Variants in RPL17 observed in about 807,000 individuals in gnomAD.
RPL17 encodes ribosomal protein L17.
Under a neutral mutation model 27.7 loss-of-function variants are expected in RPL17, and 2 were observed. The observed-to-expected ratio is 0.07, with a 90% CI of 0.03 to 0.23. The LOEUF is 0.23. Ranked by LOEUF, RPL17 falls within the 10% of genes least tolerant of loss-of-function variation. The probability of loss-of-function intolerance (pLI) is 1.00; values close to 1 mark genes in which losing one functional copy is unlikely to be tolerated. For synonymous variants in RPL17, 76 were observed against 75.5 expected (o/e 1.01, Z -0.03); for missense variants, 141 against 238.8 (o/e 0.59, Z 2.70).
intron 6 of RPL17, chr18:49,489,122 C>CG (rs2083874162): frequency 4.9e-6 from 2 of 412,278 alleles, no homozygotes; most frequent in Admixed American, 7.3e-5. Context: ...AGGATGGTCT[C>CG]GATCTCCTGA....
intron 1 of RPL17, 196 bp from the exon 2 acceptor site, chr18:49,491,780 T>A: frequency 1.3e-6 from 1 of 786,424 alleles, no homozygotes; most frequent in Non-Finnish European, 2.3e-6. Context: ...TTCCAGTAAC[T>A]ACAGCACTGC....
Position 49,490,585 on chromosome 18 carries a change from C to T in RPL17, c.217-33G>A, listed in dbSNP as rs767084239. On this transcript the variant is annotated intron_variant, in intron 4 of 6. Transcript: ENST00000580261. The stretch of plus-strand genomic sequence containing the variant: ...AAAATGGAGATGATGAGTCATTTTC[C>T]TTGATTTAAATTAACATTACAGCCA... 5 of 1,612,402 alleles carry T rather than the reference C, an allele frequency of 3.1e-6. No individual in the cohort carries two copies. In the African/African-American group the frequency reaches 6.7e-5, roughly 22 times the overall value.
Position 49,489,545 on chromosome 18 carries a change from T to A in RPL17, c.321A>T (p.Leu107Phe). 6.2e-7 allele frequency: 1 copy of A among 1,600,012 alleles called. No individual in the cohort carries two copies. The highest frequency in any genetic ancestry group is 8.5e-7 in the Non-Finnish European group (1 of 1,179,704). ...GCTCAATGACCAGAGAATCTACATC[T>A]AAACCCTGGGGAAGAAAGGAAGGAG... Reference protein sequence around the residue: ...NAESNAELKGLDVDSLVIEHI... With the variant: ...NAESNAELKGFDVDSLVIEHI... Residue 107 changes from leucine (L) to phenylalanine (F), a missense_variant, in exon 6 of 7, where the codon TTA (leucine) becomes TTT (phenylalanine). Physicochemically the swap from Leu to Phe is conservative, Grantham distance 22. Around this residue, in one of 2 missense-constraint regions of RPL17, gnomAD observed 107 missense variants for 150.1 expected, o/e 0.71. Transcript: ENST00000580261.
intron 1 of RPL17, 98 bp from the exon 2 acceptor site, chr18:49,491,682 GTTT>G: frequency 7.0e-7 from 1 of 1,428,710 alleles, no homozygotes; most frequent in East Asian, 2.3e-5. Context: ...GAGAGTAGTT[GTTT>G]TCATTATTAA....
Position 49,491,798 on chromosome 18 carries a change from G to A in RPL17, c.-13-214C>T. On this transcript the variant is annotated intron_variant, in intron 1 of 6. Transcript: ENST00000580261. Reference sequence around the variant, plus strand: ...CAGTAACTACAGCACTGCTTCCACAGAAGTAGCCACACGGGCCTCACCAAT... The same window carrying A: ...CAGTAACTACAGCACTGCTTCCACAAAAGTAGCCACACGGGCCTCACCAAT... 3 of 760,808 alleles carry A rather than the reference G, an allele frequency of 3.9e-6. No individual in the cohort carries two copies. The South Asian group carries it at 4.1e-5, about 10-fold the overall frequency. The allele number at this position is 760,808 out of a possible 1,614,324, so 47.1% of individuals were successfully genotyped here.
rs753489644 is a variant in RPL17 at position 49,490,842 on chromosome 18, T to A, written c.167A>T (p.Gln56Leu). The A allele has an allele frequency of 4.0e-5, 64 of 1,613,280 alleles. No homozygotes were observed. Among genetic ancestry groups the A allele is most frequent in the Non-Finnish European group, 4.7e-5 (55 of 1,179,944 alleles). Residue 56 changes from glutamine to leucine, a missense_variant, in exon 4 of 7, where the codon CAG becomes CTG. Transcript: ENST00000580261. Reference sequence around the variant, plus strand: ...ATTGTAACGTCGGAATGGTACACACTGTTTCTGTAAAGTGACATCTTTCAG... The same window carrying A: ...ATTGTAACGTCGGAATGGTACACACAGTTTCTGTAAAGTGACATCTTTCAG... ...KYLKDVTLQK[Q>L]CVPFRRYNGG...
At position 49,489,480 on chromosome 18, in the gene RPL17, G is replaced by A; in HGVS notation, c.386C>T (p.Thr129Ile). 1 of 1,604,030 alleles carries A rather than the reference G, an allele frequency of 6.2e-7. No individual in the cohort carries two copies. Among genetic ancestry groups the A allele is most frequent in the Non-Finnish European group, 8.5e-7 (1 of 1,179,872 alleles). ...GTTAATCCGACCATGAGCTCTGTAG[G>A]TCCGGCGGCGCATCTTAGGTGCTTT... ...VNKAPKMRRR[T>I]YRAHGRINPY... The change falls in exon 6 of 7, where the codon ACC becomes ATC. Residue 129 changes from threonine (T) to isoleucine (I), a missense_variant. Thr to Ile is a moderately conservative substitution (Grantham distance 89). Coordinates refer to ENST00000580261, the MANE Select transcript of RPL17 (RefSeq NM_001035006.5).
Position 49,490,633 on chromosome 18 carries a change from G to A in RPL17, c.217-81C>T, listed in dbSNP as rs552958978. On this transcript the variant is annotated intron_variant, in intron 4 of 6. Coordinates refer to ENST00000580261, the MANE Select transcript of RPL17 (RefSeq NM_001035006.5). ...CCAAGATGAATTTATCTGATATCAC[G>A]GTTTCTTAGGATATGGTTTATTTCA... The A allele has an allele frequency of 2.8e-5, 45 of 1,599,012 alleles. No individual in the cohort carries two copies. The African/African-American group carries it at 3.5e-4, about 12-fold the overall frequency.
intron 3 of RPL17, 133 bp from the exon 4 acceptor site, chr18:49,491,060 A>C: frequency 1.4e-6 from 2 of 1,425,006 alleles, no homozygotes; most frequent in African/African-American, 2.8e-5. Flanking sequence ...CAATTAAAAA[A>C]ACTTGTGACT....
chr18:49,490,598 A>C, intron 4 of RPL17, 46 bp from the exon 5 acceptor site: 1 of 1,611,716 alleles, frequency 6.2e-7, no homozygotes, highest in Non-Finnish European at 8.5e-7. Flanking sequence ...GATTTAAATT[A>C]ACATTACAGC....
intron 1 of RPL17, 91 bp from the exon 2 acceptor site, chr18:49,491,675 A>G: frequency 6.8e-7 from 1 of 1,479,388 alleles, no homozygotes; most frequent in Non-Finnish European, 9.5e-7. Context: ...CTGCTCAGAG[A>G]GTAGTTGTTT....
At chr18:49,492,045 A>G in intron 1 of RPL17, 1 of 317,970 alleles carries the variant, frequency 3.1e-6, no homozygotes, top group South Asian at 2.7e-5. Flanking sequence ...GCCCTCCTGT[A>G]CGCAACACTC....
chr18:49,491,080 G>A, intron 3 of RPL17, 153 bp from the exon 4 acceptor site: 1 of 1,260,844 alleles, frequency 7.9e-7, no homozygotes, highest in Non-Finnish European at 1.1e-6. Context: ...TAAAAGCCAG[G>A]TAAACTTCGT....
intron 1 of RPL17, chr18:49,492,072 C>G (rs58203060): frequency 0.063 from 13,807 of 218,192 alleles, 510 homozygotes; most frequent in South Asian, 0.11. Flanking sequence ...TAACGTGTTA[C>G]GCCTCCACCC....
intron 6 of RPL17, chr18:49,489,123 G>A (rs975164191): frequency 2.4e-5 from 10 of 414,578 alleles, no homozygotes; most frequent in Middle Eastern, 7.6e-4. Flanking sequence ...GGATGGTCTC[G>A]ATCTCCTGAC....
intron 1 of RPL17, 28 bp downstream of exon 1, chr18:49,492,430 C>G (rs1020822646): frequency 6.6e-6 from 1 of 152,488 alleles, no homozygotes; most frequent in Non-Finnish European, 1.5e-5. Context: ...GGATTGGGCC[C>G]TCGGAGCAAC....
intron 1 of RPL17, chr18:49,492,094 C>T (rs1422632815): frequency 9.8e-6 from 2 of 204,770 alleles, no homozygotes; most frequent in Non-Finnish European, 2.1e-5. Flanking sequence ...ACTTTTCTTT[C>T]CCCCAAAACT....
intron 5 of RPL17, 105 bp from the exon 6 acceptor site, chr18:49,489,655 T>G (rs73959373): frequency 8.3e-7 from 1 of 1,199,512 alleles, no homozygotes; most frequent in East Asian, 2.5e-5. Flanking sequence ...TCCAGAGTCC[T>G]GCCTCAATGA....
chr18:49,490,173 A>T (rs2083952114), intron 5 of RPL17: 3 of 352,976 alleles, frequency 8.5e-6, no homozygotes, highest in Non-Finnish European at 1.6e-5. Context: ...AGCCCCTGGT[A>T]AAGTACCTCC....
Sources: gnomAD v4.1 joint callset for allele counts on GRCh38, gnomAD v4.1.1 for gene constraint, gnomAD v4.1.1 regional missense constraint, MANE v1.5 for transcripts, NCBI Gene and HGNC (gene_info 2026-07-23, HGNC 2026-07-21) for gene names.